Variants in ACTR3C observed in about 807,000 individuals in gnomAD.
The protein encoded by ACTR3C is actin-related protein 3C.
In ACTR3C, 18 loss-of-function variants were observed where a neutral mutation model predicts 26.3. The ratio of observed to expected loss-of-function variants is 0.68; its 90% CI spans 0.47 to 1.01. The LOEUF (loss-of-function observed/expected upper bound fraction) is 1.01. ACTR3C is among the 50% of genes least tolerant of loss of function. The probability of loss-of-function intolerance (pLI) is 0.00; values close to 1 mark genes in which losing one functional copy is unlikely to be tolerated. For synonymous variants in ACTR3C, 55 were observed against 94.5 expected (o/e 0.58, Z 2.42); for missense variants, 184 against 250.7 (o/e 0.73, Z 1.80).
intron 1 of ACTR3C, among the ~76,000 whole-genome samples, chr7:150,306,750 G>C (rs1185594517): frequency 6.6e-6 from 1 of 152,158 alleles, no homozygotes; most frequent in Non-Finnish European, 1.5e-5. Flanking sequence ...TTCACTTCTA[G>C]GTGTCTATCC....
the ACTR3C span, among the ~76,000 whole-genome samples, chr7:149,930,702 T>C: frequency 3.9e-5 from 6 of 152,374 alleles, 1 homozygote; most frequent in South Asian, 1.2e-3. Context: ...TGAAGATTGT[T>C]TTCATATTGT....
At chr7:150,088,056 G>T in the ACTR3C span, among the ~76,000 whole-genome samples, 1 of 152,178 alleles carries the variant, frequency 6.6e-6, no homozygotes, top group African/African-American at 2.4e-5. Context: ...GAATTATATA[G>T]CATTCTTAAT....
At chr7:150,303,699 C>A (rs1161753129) in intron 1 of ACTR3C, among the ~76,000 whole-genome samples, 1 of 152,166 alleles carries the variant, frequency 6.6e-6, no homozygotes, top group Non-Finnish European at 1.5e-5. Flanking sequence ...TATAATTATT[C>A]CTTTAGGAGA....
chr7:150,224,899 G>T, the ACTR3C span, among the ~76,000 whole-genome samples: 1 of 151,640 alleles, frequency 6.6e-6, no homozygotes, highest in African/African-American at 2.4e-5. Flanking sequence ...TGATATTTTG[G>T]GTTATAATTC....
the ACTR3C span, among the ~76,000 whole-genome samples, chr7:150,086,126 C>T: frequency 7.2e-5 from 11 of 152,122 alleles, no homozygotes; most frequent in South Asian, 4.2e-4. Flanking sequence ...TGGGACTACA[C>T]GTGTGTGCCA....
At chr7:149,901,910 CAAAAAAAAAA>C in the ACTR3C span, among the ~76,000 whole-genome samples, 11 of 56,762 alleles carry the variant, frequency 1.9e-4, no homozygotes, top group Admixed American at 6.2e-4. Context: ...GACTCTGTCT[CAAAAAAAAAA>C]AAAAAAAAAA....
the ACTR3C span, among the ~76,000 whole-genome samples, chr7:149,959,937 A>G: frequency 3.8e-4 from 58 of 152,104 alleles, no homozygotes; most frequent in African/African-American, 1.4e-3. Context: ...CACTGAGCAC[A>G]CAGTCCTACA....
the ACTR3C span, among the ~76,000 whole-genome samples, chr7:149,982,305 C>T: frequency 1.3e-5 from 2 of 152,100 alleles, no homozygotes; most frequent in African/African-American, 4.8e-5. Flanking sequence ...GGCCCTCCTG[C>T]TTGAGATGAG....
At chr7:150,223,048 A>G in the ACTR3C span, among the ~76,000 whole-genome samples, 1 of 152,240 alleles carries the variant, frequency 6.6e-6, no homozygotes, top group Admixed American at 6.5e-5. Flanking sequence ...TACCCCTGTT[A>G]AGACAGGTTA....
At chr7:150,023,219 A>G in the ACTR3C span, among the ~76,000 whole-genome samples, 4 of 145,284 alleles carry the variant, frequency 2.8e-5, no homozygotes, top group African/African-American at 1.0e-4. Flanking sequence ...CTATATCTCT[A>G]TATAGATCTC....
At chr7:150,192,715 G>T in the ACTR3C span, among the ~76,000 whole-genome samples, 1 of 152,090 alleles carries the variant, frequency 6.6e-6, no homozygotes, top group African/African-American at 2.4e-5. Flanking sequence ...ATAACCTTAG[G>T]TCACATTTGG....
chr7:150,190,227 C>G, the ACTR3C span, among the ~76,000 whole-genome samples: 6,106 of 152,240 alleles, frequency 0.04, 432 homozygotes, highest in African/African-American at 0.14. Flanking sequence ...TTTCTGTTTA[C>G]ATCTGTTTCC....
chr7:149,896,075 G>A, the ACTR3C span, among the ~76,000 whole-genome samples: 2 of 149,824 alleles, frequency 1.3e-5, no homozygotes, highest in Non-Finnish European at 3.0e-5. Context: ...CTAGCCGGGA[G>A]TCCCAACTAC....
the ACTR3C span, among the ~76,000 whole-genome samples, chr7:150,122,158 C>G: frequency 2.0e-5 from 3 of 152,304 alleles, no homozygotes; most frequent in East Asian, 5.8e-4. Flanking sequence ...CCATTCATGA[C>G]ATAGGCATGG....
chr7:150,298,726 T>C (rs1460752084), intron 1 of ACTR3C, among the ~76,000 whole-genome samples: 1 of 146,566 alleles, frequency 6.8e-6, no homozygotes, highest in African/African-American at 2.6e-5. Flanking sequence ...CAAAATCAAA[T>C]TACATTCTGA....
the ACTR3C span, among the ~76,000 whole-genome samples, chr7:150,222,095 T>C: frequency 2.0e-5 from 3 of 152,058 alleles, no homozygotes; most frequent in Admixed American, 1.3e-4. Context: ...CTGATATTCA[T>C]GGTCATTTCT....
chr7:149,902,932 T>C, the ACTR3C span, among the ~76,000 whole-genome samples: 298 of 19,260 alleles, frequency 0.015, 1 homozygote, highest in East Asian at 0.14. Context: ...AAGTACAGTG[T>C]CTCAAAAAAA....
the ACTR3C span, among the ~76,000 whole-genome samples, chr7:150,031,335 G>A: frequency 3.9e-4 from 59 of 151,878 alleles, 1 homozygote; most frequent in South Asian, 2.1e-3. Flanking sequence ...TCACAGAAGT[G>A]TGAAGGTGAG....
the ACTR3C span, among the ~76,000 whole-genome samples, chr7:150,058,643 G>A: frequency 2.6e-5 from 4 of 152,138 alleles, no homozygotes; most frequent in Non-Finnish European, 5.9e-5. Flanking sequence ...GAGGCCAGGC[G>A]CCGTGGCTCA....
Sources: allele counts gnomAD v4.1 joint callset (sites outside exome capture counted in the v4.1 genomes callset), GRCh38; gene constraint gnomAD v4.1.1; transcripts MANE v1.5; gene names NCBI Gene and HGNC (gene_info 2026-07-23, HGNC 2026-07-21).